SPAST: variants seen among roughly 807,000 people sequenced by gnomAD.
SPAST encodes the protein spastin.
In SPAST, 30 loss-of-function variants were observed where a neutral mutation model predicts 76.6. The ratio of observed to expected loss-of-function variants is 0.39; its 90% CI spans 0.29 to 0.53. The LOEUF is 0.53. Ranked by LOEUF, SPAST falls within the 20% of genes least tolerant of loss-of-function variation. SPAST has a pLI of 0.68. For synonymous variants in SPAST, 305 were observed against 281.0 expected, an observed-to-expected ratio of 1.09 and a Z score of -0.86; for missense variants, 717 against 770.5, an observed-to-expected ratio of 0.93 and a Z score of 0.82.
chr2:32,070,722 C>T (rs542242707), intron 1 of SPAST, among the ~76,000 whole-genome samples: 3 of 152,104 alleles, frequency 2.0e-5, no homozygotes, highest in South Asian at 2.1e-4. Context: ...TTCAGCCTCG[C>T]AGGCTCAATC....
chr2:32,097,435 T>G (rs1677957471), intron 3 of SPAST, among the ~76,000 whole-genome samples: 1 of 152,194 alleles, frequency 6.6e-6, no homozygotes, highest in African/African-American at 2.4e-5. Context: ...CGGCTGTTAT[T>G]ATCAGTTTCT....
chr2:32,064,377 A>AAAGCAGTCTCCCGG, intron 1 of SPAST, 131 bp downstream of exon 1: 1 of 827,670 alleles, frequency 1.2e-6, no homozygotes, highest in Non-Finnish European at 1.9e-6. Context: ...ATGCCCCGGG[A>AAAGCAGTCTCCCGG]GACTGCTTTC....
At chr2:32,148,770 C>T (rs1365534262) in intron 16 of SPAST, among the ~76,000 whole-genome samples, 2 of 150,392 alleles carry the variant, frequency 1.3e-5, no homozygotes. Context: ...GAGATCGTGC[C>T]ACTGCACTCC....
chr2:32,095,411 C>T (rs1048781297), intron 3 of SPAST, among the ~76,000 whole-genome samples: 1 of 151,988 alleles, frequency 6.6e-6, no homozygotes, highest in African/African-American at 2.4e-5. Flanking sequence ...CTAAAATATA[C>T]ACTTAGATAA....
At chr2:32,083,904 G>A (rs1484459376) in intron 1 of SPAST, among the ~76,000 whole-genome samples, 8 of 149,268 alleles carry the variant, frequency 5.4e-5, no homozygotes, top group African/African-American at 2.0e-4. Context: ...TCAGCTTCCT[G>A]AGTAGCTGGG....
intron 9 of SPAST, among the ~76,000 whole-genome samples, chr2:32,134,974 G>C (rs1679488089): frequency 6.6e-6 from 1 of 152,154 alleles, no homozygotes; most frequent in African/African-American, 2.4e-5. Context: ...GGGATTACAG[G>C]CATGAGCCAC....
chr2:32,119,891 C>A (rs530156701), intron 7 of SPAST, among the ~76,000 whole-genome samples: 1 of 152,046 alleles, frequency 6.6e-6, no homozygotes, highest in Admixed American at 6.6e-5. Flanking sequence ...TCTATCATTT[C>A]GAGCTTTTAT....
At chr2:32,064,279 G>C in intron 1 of SPAST, 33 bp downstream of exon 1, 2 of 1,309,414 alleles carry the variant, frequency 1.5e-6, no homozygotes, top group Non-Finnish European at 2.1e-6. Context: ...GGGCGGCGGC[G>C]CCGGGAAGAA....
chr2:32,077,364 CTG>C (rs1329790244), intron 1 of SPAST, among the ~76,000 whole-genome samples: 2 of 152,142 alleles, frequency 1.3e-5, no homozygotes, highest in Non-Finnish European at 2.9e-5. Flanking sequence ...GAACATACAA[CTG>C]TGCACACAGT....
In SPAST at chr2:32,083,735, ATATATTTATATATAC is replaced by A. The variant is rs202001738; in HGVS notation, c.416-3751_416-3737del. On this transcript the variant is annotated intron_variant, in intron 1 of 16. Coordinates refer to ENST00000315285, the MANE Select transcript of SPAST (RefSeq NM_014946.4). ...TACTATATATATTTATATATACTAT[ATATATTTATATATAC>A]TATATATATATATATATATATATAT... 6.1e-3 allele frequency among the ~76,000 whole-genome samples: 437 copies of A among 71,848 alleles called. 2 individuals carry two copies. The highest frequency in any genetic ancestry group is 0.015 in the African/African-American group (260 of 17,808). 47.1% of individuals were successfully genotyped at this position (71,848 alleles called of 152,430 possible).
chr2:32,091,693 G>C (rs1349838976), intron 3 of SPAST, among the ~76,000 whole-genome samples: 1 of 151,900 alleles, frequency 6.6e-6, no homozygotes, highest in African/African-American at 2.4e-5. Context: ...AACTAGCCAG[G>C]TGTGGTGGCG....
chr2:32,143,559 C>T, intron 14 of SPAST, 144 bp downstream of exon 14: 1 of 639,762 alleles, frequency 1.6e-6, no homozygotes, highest in African/African-American at 1.8e-5. Context: ...ACCTCCTTTG[C>T]CTTTTTCTTA....
intron 8 of SPAST, chr2:32,127,778 G>T (rs2148745738): frequency 6.6e-6 from 1 of 151,770 alleles, no homozygotes; most frequent in Admixed American, 6.6e-5. Flanking sequence ...TTCCTTAGAT[G>T]TTTGTCTTTC....
intron 9 of SPAST, among the ~76,000 whole-genome samples, chr2:32,130,841 A>G (rs1679348750): frequency 1.3e-5 from 2 of 152,256 alleles, no homozygotes; most frequent in Admixed American, 1.3e-4. Flanking sequence ...TTGCAGCGAG[A>G]GAAACTTGAT....
intron 4 of SPAST, among the ~76,000 whole-genome samples, chr2:32,113,132 A>G (rs967189748): frequency 7.3e-5 from 11 of 151,168 alleles, no homozygotes; most frequent in African/African-American, 2.4e-4. Context: ...GATTATTATT[A>G]TTATTTTTTT....
At position 32,079,155 on chromosome 2, in the gene SPAST, A is replaced by G. The variant is rs17011817; in HGVS notation, c.416-8337A>G. Among the ~76,000 whole-genome samples, 660 of 152,210 alleles carry G rather than the reference A, an allele frequency of 4.3e-3. 3 individuals carry two copies. The highest frequency in any genetic ancestry group is 0.015 in the African/African-American group (634 of 41,526). On this transcript the variant is annotated intron_variant, in intron 1 of 16. Transcript: ENST00000315285. ...CATGCTCCACCTCTTAGTCTTTACAATCTGCAAAACCTCATAAGTGGCTAA... is the reference window on the plus strand; with the variant it reads ...CATGCTCCACCTCTTAGTCTTTACAGTCTGCAAAACCTCATAAGTGGCTAA...
intron 4 of SPAST, among the ~76,000 whole-genome samples, chr2:32,114,146 T>C (rs966856439): frequency 6.6e-6 from 1 of 152,150 alleles, no homozygotes; most frequent in Non-Finnish European, 1.5e-5. Context: ...GGCTCACTCT[T>C]GTAATCCCAG....
chr2:32,110,890 G>A (rs548851438), intron 4 of SPAST, among the ~76,000 whole-genome samples: 3 of 97,448 alleles, frequency 3.1e-5, no homozygotes, highest in African/African-American at 7.9e-5. Flanking sequence ...TGTGTATAGA[G>A]TATATATACA....
At chr2:32,097,953 C>T (rs1347825217) in intron 3 of SPAST, among the ~76,000 whole-genome samples, 1 of 152,058 alleles carries the variant, frequency 6.6e-6, no homozygotes, top group Admixed American at 6.6e-5. Context: ...CTGCCTCAGC[C>T]TCCCAAAGTG....
Sources: allele counts gnomAD v4.1 joint callset (sites outside exome capture counted in the v4.1 genomes callset), GRCh38; gene constraint gnomAD v4.1.1; transcripts MANE v1.5; gene names NCBI Gene and HGNC (gene_info 2026-07-23, HGNC 2026-07-21).